LSAMP: variants seen among roughly 807,000 people sequenced by gnomAD.
LSAMP encodes limbic system-associated membrane protein.
Under a neutral mutation model 38.6 loss-of-function variants are expected in LSAMP, and 7 were observed. The ratio of observed to expected loss-of-function variants is 0.18; its 90% CI spans 0.10 to 0.34. The LOEUF is 0.34. Ranked by LOEUF, LSAMP falls within the 10% of genes least tolerant of loss-of-function variation. The pLI is 1.00. For missense variants in LSAMP, 313 were observed against 420.0 expected (o/e 0.75, Z 2.23); for synonymous variants, 154 against 166.8 (o/e 0.92, Z 0.59).
At chr3:116,263,112 A>ATGT (rs1319558902) in intron 1 of LSAMP, among the ~76,000 whole-genome samples, 1 of 152,212 alleles carries the variant, frequency 6.6e-6, no homozygotes, top group East Asian at 1.9e-4. Context: ...TGACAAAAAA[A>ATGT]TGTTAGCGTG....
At chr3:116,086,627 G>T in intron 1 of LSAMP, 71 bp from the exon 2 acceptor site, 1 of 1,168,750 alleles carries the variant, frequency 8.6e-7, no homozygotes, top group Non-Finnish European at 1.3e-6. Flanking sequence ...TAGGTGATCA[G>T]ACTCAACAAG....
intron 3 of LSAMP, among the ~76,000 whole-genome samples, chr3:115,954,541 A>C (rs1201457486): frequency 6.6e-6 from 1 of 152,246 alleles, no homozygotes; most frequent in Non-Finnish European, 1.5e-5. Context: ...AGTCTGATAC[A>C]TTCCTCTTTG....
At position 115,955,224 on chromosome 3, in the gene LSAMP, G is replaced by T. The variant is rs184638452; in HGVS notation, c.514+64291C>A. ...GCTGGGATTACAGGCGTGAGCCACC[G>T]CGCCTGGCCATGTTTTTGATATTTT... On this transcript the variant is annotated intron_variant, in intron 3 of 6. Coordinates refer to ENST00000490035, the MANE Select transcript of LSAMP (RefSeq NM_002338.5). Among the ~76,000 whole-genome samples, 79 of 152,190 alleles carry T rather than the reference G, an allele frequency of 5.2e-4. 1 individual carries two copies. The highest frequency in any genetic ancestry group is 1.7e-3 in the African/African-American group (72 of 41,524).
At chr3:115,940,550 G>A (rs556758778) in intron 3 of LSAMP, among the ~76,000 whole-genome samples, 20 of 152,212 alleles carry the variant, frequency 1.3e-4, no homozygotes, top group Non-Finnish European at 2.4e-4. Context: ...CAGATATTAC[G>A]TTTAAATCTT....
chr3:116,006,893 A>T (rs114649874), intron 3 of LSAMP, among the ~76,000 whole-genome samples: 1 of 152,118 alleles, frequency 6.6e-6, no homozygotes, highest in African/African-American at 2.4e-5. Context: ...TTCTGTGACT[A>T]TTTTCCCATC....
At chr3:116,065,185 T>G (rs1347678245) in intron 2 of LSAMP, among the ~76,000 whole-genome samples, 1 of 152,204 alleles carries the variant, frequency 6.6e-6, no homozygotes. Context: ...AGCAAAGGGT[T>G]CTACGAATAG....
At chr3:116,379,820 C>T (rs1426588112) in intron 1 of LSAMP, among the ~76,000 whole-genome samples, 3 of 151,866 alleles carry the variant, frequency 2.0e-5, no homozygotes, top group African/African-American at 7.3e-5. Context: ...ACATGGATGA[C>T]CTGATAAAAG....
rs1161063536 is a variant in LSAMP, at chr3:116,380,166, T to C, written c.155+64711A>G. ...CCCATTGGTAAAAAAGGATTATCAATAGCATGTACCTCTTGGGTTGCTATA... is the reference window on the plus strand; with the variant it reads ...CCCATTGGTAAAAAAGGATTATCAACAGCATGTACCTCTTGGGTTGCTATA... On this transcript the variant is annotated intron_variant, in intron 1 of 6. Coordinates refer to ENST00000490035, the MANE Select transcript of LSAMP (RefSeq NM_002338.5). Among the ~76,000 whole-genome samples, 4 of 151,928 alleles carry C rather than the reference T, an allele frequency of 2.6e-5. 1 individual carries two copies. The highest frequency in any genetic ancestry group is 2.0e-4 in the Admixed American group (3 of 15,256).
intron 2 of LSAMP, among the ~76,000 whole-genome samples, chr3:116,031,538 C>CTTTTTTTTTTTTTTTT (rs56951507): frequency 1.0e-4 from 6 of 60,238 alleles, no homozygotes; most frequent in African/African-American, 1.1e-4. Context: ...AGCCTAAATT[C>CTTTTTTTTTTTTTTTT]TTTTTTTTTT....
chr3:116,349,502 C>G (rs1032048594), intron 1 of LSAMP, among the ~76,000 whole-genome samples: 5 of 146,988 alleles, frequency 3.4e-5, no homozygotes, highest in Admixed American at 2.0e-4. Flanking sequence ...CACACACACA[C>G]TCTCTCTCTC....
At chr3:116,372,988 TTTACATTCTTA>T (rs2048449256) in intron 1 of LSAMP, among the ~76,000 whole-genome samples, 2 of 151,466 alleles carry the variant, frequency 1.3e-5, no homozygotes, top group Non-Finnish European at 3.0e-5. Context: ...CCTGTACCAT[TTTACATTCTTA>T]CCACCAGTTT....
At chr3:116,179,939 A>G (rs1052442061) in intron 1 of LSAMP, among the ~76,000 whole-genome samples, 2 of 152,178 alleles carry the variant, frequency 1.3e-5, no homozygotes, top group African/African-American at 4.8e-5. Context: ...TTGTTGTTAA[A>G]TGGAATGTTT....
chr3:115,932,883 A>C (rs1245791338), intron 3 of LSAMP, among the ~76,000 whole-genome samples: 2 of 152,198 alleles, frequency 1.3e-5, no homozygotes, highest in Non-Finnish European at 2.9e-5. Flanking sequence ...AATCCAAATG[A>C]AGAGAATGCA....
intron 1 of LSAMP, among the ~76,000 whole-genome samples, chr3:116,116,174 T>C (rs1160648184): frequency 6.6e-6 from 1 of 151,634 alleles, no homozygotes; most frequent in African/African-American, 2.4e-5. Flanking sequence ...TATCATTATG[T>C]CTATTGGGTT....
Position 116,433,622 on chromosome 3 carries a change from G to A in LSAMP, c.155+11255C>T, listed in dbSNP as rs561885593. 2.0e-4 allele frequency among the ~76,000 whole-genome samples: 31 copies of A among 152,310 alleles called. No homozygotes were observed. In the South Asian group the frequency reaches 3.9e-3, roughly 19 times the overall value. ...AATAACCAGTTTTAGTCAAATAAAT[G>A]TAAGTGATATGCACATTGCCTCATT... On this transcript the variant is annotated intron_variant, in intron 1 of 6. Transcript: ENST00000490035.
intron 6 of LSAMP, among the ~76,000 whole-genome samples, chr3:115,815,936 T>C (rs1934002962): frequency 6.6e-6 from 1 of 152,160 alleles, no homozygotes; most frequent in South Asian, 2.1e-4. Context: ...TCTCTGTGGC[T>C]CTTGATCACT....
chr3:115,844,476 T>G (rs1935093989), intron 4 of LSAMP, among the ~76,000 whole-genome samples: 1 of 152,122 alleles, frequency 6.6e-6, no homozygotes, highest in Admixed American at 6.6e-5. Context: ...TTAGAGCACA[T>G]CAGTTCAAAG....
intron 1 of LSAMP, among the ~76,000 whole-genome samples, chr3:116,182,544 T>G (rs1262919572): frequency 1.3e-5 from 2 of 151,676 alleles, no homozygotes; most frequent in East Asian, 3.9e-4. Context: ...TGGGACTCAA[T>G]TTTTTCAGGG....
At chr3:115,821,193 G>C (rs975747762) in intron 6 of LSAMP, among the ~76,000 whole-genome samples, 1 of 152,104 alleles carries the variant, frequency 6.6e-6, no homozygotes, top group Non-Finnish European at 1.5e-5. Context: ...AAAGATGAAA[G>C]ATGCTCCATT....
Sources: gnomAD v4.1 joint callset for allele counts (sites outside exome capture counted in the v4.1 genomes callset) on GRCh38, gnomAD v4.1.1 for gene constraint, MANE v1.5 for transcripts, NCBI Gene and HGNC (gene_info 2026-07-23, HGNC 2026-07-21) for gene names.